Variants in SNRPN observed in about 807,000 individuals in gnomAD.
SNRPN encodes small nuclear ribonucleoprotein-associated protein N.
A neutral mutation model predicts 25.2 loss-of-function variants in SNRPN; 7 were observed. That is an observed-to-expected ratio of 0.28 (90% confidence interval 0.16 to 0.52). SNRPN has a LOEUF of 0.52. Among genes scored for constraint, SNRPN ranks in the 20% least tolerant of loss-of-function variants. The probability of loss-of-function intolerance (pLI) is 0.96; values close to 1 mark genes in which losing one functional copy is unlikely to be tolerated. For missense variants in SNRPN, 196 were observed against 322.5 expected (o/e 0.61, Z 3.00); for synonymous variants, 124 against 110.6 (o/e 1.12, Z -0.76).
intron 2 of SNRPN, among the ~76,000 whole-genome samples, chr15:24,962,481 G>A (rs2074987618): frequency 6.6e-6 from 1 of 152,120 alleles, no homozygotes; most frequent in Admixed American, 6.6e-5. Context: ...TTCAACATAA[G>A]CATACTTAAA....
At chr15:24,838,211 A>G (rs962956787) in intron 2 of SNRPN, among the ~76,000 whole-genome samples, 2 of 149,736 alleles carry the variant, frequency 1.3e-5, no homozygotes, top group Admixed American at 6.7e-5. Context: ...AAATTTTTGT[A>G]TTTTTAGTAG....
At chr15:24,833,143 CAG>C (rs2050714541) in intron 2 of SNRPN, among the ~76,000 whole-genome samples, 1 of 125,002 alleles carries the variant, frequency 8.0e-6, no homozygotes, top group Admixed American at 8.4e-5. Flanking sequence ...ATGATGGAAA[CAG>C]AGTAGAAATG....
chr15:24,937,106 T>A (rs560338647), intron 3 of SNRPN, among the ~76,000 whole-genome samples: 1 of 152,028 alleles, frequency 6.6e-6, no homozygotes, highest in African/African-American at 2.4e-5. Context: ...CTGGGCATGG[T>A]GGTGCGTGCC....
rs759607774 is a variant in SNRPN, at chr15:24,923,082, T to C, written c.-391+2958T>C. 1.3e-4 allele frequency among the ~76,000 whole-genome samples: 20 copies of C among 149,014 alleles called. 1 individual carries two copies. The highest frequency in any genetic ancestry group is 7.6e-5 in the Non-Finnish European group (5 of 66,020). ...CACCACACCCAGCTAATTTTTGTAT[T>C]TTTAGCAGAGATGGGGTTTTACCAT... On this transcript the variant is annotated intron_variant, in intron 3 of 11. Transcript: ENST00000400097.
upstream of SNRPN, among the ~76,000 whole-genome samples, chr15:24,853,319 T>C (rs71461562): frequency 1.1e-3 from 172 of 152,340 alleles, no homozygotes; most frequent in Non-Finnish European, 2.2e-3. Context: ...TTCCTCTTTA[T>C]GCTTCATAAG....
intron 2 of SNRPN, among the ~76,000 whole-genome samples, chr15:24,900,114 C>T (rs139356110): frequency 0.011 from 1,738 of 152,290 alleles, 15 homozygotes; most frequent in South Asian, 0.035. Context: ...GCCCGAGTGA[C>T]TGCTGCACTG....
chr15:24,957,535 C>T (rs2063127720), intron 1 of SNRPN, among the ~76,000 whole-genome samples: 1 of 152,098 alleles, frequency 6.6e-6, no homozygotes, highest in African/African-American at 2.4e-5. Flanking sequence ...TTTTGTCTTC[C>T]TTTGCAGGAT....
intron 3 of SNRPN, among the ~76,000 whole-genome samples, chr15:24,922,037 TAAAA>T (rs67089476): frequency 1.8e-4 from 17 of 94,402 alleles, no homozygotes; most frequent in South Asian, 3.8e-4. Flanking sequence ...CCGTCTCTAC[TAAAA>T]AAAAAAAAAA....
At chr15:24,837,670 G>C (rs1002513271) in intron 2 of SNRPN, among the ~76,000 whole-genome samples, 23 of 150,284 alleles carry the variant, frequency 1.5e-4, no homozygotes, top group Admixed American at 1.5e-3. Context: ...TGCCCGGCTT[G>C]GGGGGCTACT....
chr15:24,878,148 CTTAGG>C (rs1320523706), intron 1 of SNRPN, among the ~76,000 whole-genome samples: 2 of 152,218 alleles, frequency 1.3e-5, no homozygotes, highest in Non-Finnish European at 1.5e-5. Context: ...AACGGGACTT[CTTAGG>C]TTAAAGCCTT....
At chr15:24,945,263 TA>T (rs2061804083) in intron 3 of SNRPN, among the ~76,000 whole-genome samples, 2 of 149,466 alleles carry the variant, frequency 1.3e-5, no homozygotes, top group African/African-American at 4.9e-5. Flanking sequence ...GAACTTCATA[TA>T]ATGTTCACAT....
chr15:24,918,572 GTA>G (rs1468658497), intron 2 of SNRPN, among the ~76,000 whole-genome samples: 3 of 81,644 alleles, frequency 3.7e-5, no homozygotes, highest in African/African-American at 8.9e-5. Flanking sequence ...TAATATATAT[GTA>G]TATATATAAC....
intron 2 of SNRPN, among the ~76,000 whole-genome samples, chr15:24,888,918 CT>C (rs1245185867): frequency 6.6e-6 from 1 of 151,832 alleles, no homozygotes; most frequent in Admixed American, 6.6e-5. Flanking sequence ...AGTTTCTTTT[CT>C]TTTTTTATTT....
chr15:24,868,082 A>G (rs1168919733), intron 1 of SNRPN, among the ~76,000 whole-genome samples: 1 of 151,652 alleles, frequency 6.6e-6, no homozygotes, highest in East Asian at 1.9e-4. Flanking sequence ...TCTTATGTTT[A>G]TAGTTTGAGT....
chr15:24,848,882 C>T (rs528181508), intron 2 of SNRPN: 3 of 151,798 alleles, frequency 2.0e-5, no homozygotes, highest in Admixed American at 6.6e-5. Flanking sequence ...AGTTTCACTA[C>T]TACGTGTTTT....
intron 1 of SNRPN, among the ~76,000 whole-genome samples, chr15:24,882,823 C>CAAAAAAAAAAAAAAAAAAAAAAA (rs10543501): frequency 1.3e-4 from 17 of 127,114 alleles, no homozygotes; most frequent in Admixed American, 5.6e-4. Flanking sequence ...GACTCCATCT[C>CAAAAAAAAAAAAAAAAAAAAAAA]AAAAAAAAAA....
chr15:24,908,995 C>G (rs1241008034), intron 2 of SNRPN: 9 of 1,416,556 alleles, frequency 6.4e-6, no homozygotes, highest in Non-Finnish European at 8.9e-6. Flanking sequence ...CCCAATCCTT[C>G]TTCTGAGCAA....
intron 2 of SNRPN, among the ~76,000 whole-genome samples, chr15:24,913,558 G>A (rs1200507385): frequency 3.3e-5 from 5 of 152,080 alleles, no homozygotes; most frequent in Admixed American, 1.3e-4. Context: ...CTGGAGAATC[G>A]CTTAAACCTG....
At chr15:24,930,236 A>G (rs2060722530) in intron 3 of SNRPN, among the ~76,000 whole-genome samples, 2 of 149,842 alleles carry the variant, frequency 1.3e-5, no homozygotes, top group East Asian at 1.9e-4. Context: ...AAAACTGTTC[A>G]AGACTGATCT....
Sources: allele counts gnomAD v4.1 joint callset (sites outside exome capture counted in the v4.1 genomes callset), GRCh38; gene constraint gnomAD v4.1.1; transcripts MANE v1.5; gene names NCBI Gene and HGNC (gene_info 2026-07-23, HGNC 2026-07-21).